Variants in BIN1 observed in about 807,000 individuals in gnomAD.
The protein encoded by BIN1 is myc box-dependent-interacting protein 1.
BIN1 carries 53 observed loss-of-function variants against 82.0 expected under a neutral mutation model. The ratio of observed to expected loss-of-function variants is 0.65; its 90% CI spans 0.52 to 0.81. The LOEUF (loss-of-function observed/expected upper bound fraction) is 0.81. BIN1 is among the 40% of genes least tolerant of loss of function. BIN1 has a pLI of 0.00. For missense variants in BIN1, 642 were observed against 784.4 expected, an observed-to-expected ratio of 0.82 and a Z score of 2.17; for synonymous variants, 302 against 328.0, an observed-to-expected ratio of 0.92 and a Z score of 0.86.
rs1471683629 is a variant in BIN1 at position 127,096,083 on chromosome 2, T to C, written c.84+10777A>G. On this transcript the variant is annotated intron_variant, in intron 1 of 18. Coordinates refer to ENST00000316724, the MANE Select transcript of BIN1 (RefSeq NM_139343.3). ...AGCAAGTGAGTGAATGAATAAATGA[T>C]GCCAGACCCTCACCTCCACCCCCAG... is the stretch of plus-strand genomic sequence containing the variant. Among the ~76,000 whole-genome samples, 4 of 152,262 alleles carry C rather than the reference T, an allele frequency of 2.6e-5. No homozygotes were observed. The South Asian group carries it at 8.3e-4, about 32-fold the overall frequency.
intron 1 of BIN1, chr2:127,081,735 C>T (rs1456926518): frequency 4.9e-6 from 6 of 1,214,272 alleles, no homozygotes; most frequent in Non-Finnish European, 6.4e-6. Flanking sequence ...ACCCCACCCC[C>T]ACACACACAT....
intron 12 of BIN1, among the ~76,000 whole-genome samples, chr2:127,056,786 G>A (rs1447846692): frequency 6.6e-6 from 1 of 152,262 alleles, no homozygotes; most frequent in African/African-American, 2.4e-5. Flanking sequence ...TGCGCTTCCA[G>A]CACAGGTACT....
intron 1 of BIN1, 133 bp downstream of exon 1, chr2:127,106,727 A>C (rs1305155603): frequency 1.8e-6 from 2 of 1,134,310 alleles, no homozygotes; most frequent in African/African-American, 3.2e-5. Flanking sequence ...GCCCCTCGAA[A>C]GCGCTCCTCT....
At chr2:127,050,603 G>A in intron 17 of BIN1, 81 bp from the exon 18 acceptor site, 2 of 1,508,718 alleles carry the variant, frequency 1.3e-6, no homozygotes, top group Non-Finnish European at 1.8e-6. Context: ...CGTGTGGGAG[G>A]TGCAGGTGGC....
chr2:127,048,751 C>A, intron 18 of BIN1, 118 bp from the exon 19 acceptor site: 2 of 893,182 alleles, frequency 2.2e-6, no homozygotes, highest in South Asian at 2.8e-5. Context: ...GGTGCCTCAG[C>A]CTGCCAAGCC....
In BIN1 at chr2:127,062,142, T is replaced by C. The variant is rs1684581844; in HGVS notation, c.830A>G (p.Asn277Ser). ...GGGCTGGGCCTTGACCGTGAAGGTG[T>C]TGCTCCCGTGTTGCTTCTCCAGGCC... ...LVGLEKQHGS[N>S]TFTVKAQPSD... Residue 277 changes from asparagine (N) to serine (S), a missense_variant, in exon 10 of 19, where the codon AAC becomes AGC. By Grantham distance (46) the Asn-to-Ser change is conservative. Transcript: ENST00000316724. 5 of 1,610,952 alleles carry C rather than the reference T, an allele frequency of 3.1e-6. No homozygotes were observed. Among genetic ancestry groups the C allele is most frequent in the African/African-American group, 1.3e-5 (1 of 75,004 alleles).
intron 2 of BIN1, among the ~76,000 whole-genome samples, chr2:127,071,325 G>A (rs1421822662): frequency 6.6e-6 from 1 of 152,204 alleles, no homozygotes; most frequent in Non-Finnish European, 1.5e-5. Context: ...AGAGGGCCCG[G>A]TGCGAGCCTG....
intron 14 of BIN1, chr2:127,052,759 C>T (rs1683129094): frequency 6.9e-6 from 2 of 291,282 alleles, no homozygotes; most frequent in South Asian, 4.0e-5. Context: ...AGCATCTCTG[C>T]CTGTATCAGG....
At chr2:127,074,487 G>A (rs140678134) in intron 2 of BIN1, among the ~76,000 whole-genome samples, 3,305 of 152,294 alleles carry the variant, frequency 0.022, 44 homozygotes, top group Middle Eastern at 0.048. Flanking sequence ...CTGGCAGCCC[G>A]CAGCACTGGC....
chr2:127,072,705 T>G (rs1489002034), intron 2 of BIN1, among the ~76,000 whole-genome samples: 1 of 151,728 alleles, frequency 6.6e-6, no homozygotes, highest in Non-Finnish European at 1.5e-5. Context: ...TTTACAAACA[T>G]CCAAGTCCAA....
intron 2 of BIN1, among the ~76,000 whole-genome samples, chr2:127,071,945 CAG>C (rs1342861481): frequency 1.3e-5 from 2 of 152,216 alleles, no homozygotes; most frequent in African/African-American, 4.8e-5. Context: ...GAACACAAGG[CAG>C]AGAGGGGACT....
chr2:127,062,084 T>C, intron 10 of BIN1, 31 bp downstream of exon 10: 2 of 1,575,954 alleles, frequency 1.3e-6, no homozygotes, highest in South Asian at 2.3e-5. Context: ...GTGCACACAG[T>C]CAGGGGCGCC....
intron 2 of BIN1, among the ~76,000 whole-genome samples, chr2:127,074,525 AC>A (rs1686343990): frequency 1.3e-5 from 2 of 152,118 alleles, no homozygotes; most frequent in African/African-American, 4.8e-5. Context: ...TCTCTGCCCA[AC>A]CCCTCTGTCC....
intron 18 of BIN1, 75 bp downstream of exon 18, chr2:127,050,346 C>T: frequency 6.5e-7 from 1 of 1,547,236 alleles, no homozygotes; most frequent in Non-Finnish European, 8.9e-7. Flanking sequence ...TGGCCTGTCT[C>T]CGCCACGGCG....
chr2:127,075,257 C>G (rs6754017), intron 2 of BIN1, among the ~76,000 whole-genome samples: 27,180 of 152,210 alleles, frequency 0.18, 2,566 homozygotes, highest in South Asian at 0.25. Flanking sequence ...TTGCATAGAT[C>G]TCTGTCAAAC....
rs1404831971 is a variant in BIN1 at position 127,068,149 on chromosome 2, G to A, written c.612+14C>T. ...GAAGGCGCCAGCACGTGCAAGGTTA[G>A]AAGCCAGTGTCACCTGATTTCGGAG... On this transcript the variant is annotated intron_variant, in intron 7 of 18. Transcript: ENST00000316724. This position sits in a 1 kb window ranked among gnomAD's most constrained non-coding sequence, Gnocchi z 4.9. 4.3e-6 allele frequency: 7 copies of A among 1,611,704 alleles called. No individual in the cohort carries two copies. The African/African-American group carries it at 9.4e-5, about 22-fold the overall frequency.
In BIN1 at chr2:127,059,212, G is replaced by A. The variant is rs542781840; in HGVS notation, c.858-57C>T. ...GTTGGGGGGCCAAGGCACAGGAGACGGAGGGGCAAATGTATTGACGTCTGT... is the reference window on the plus strand; with the variant it reads ...GTTGGGGGGCCAAGGCACAGGAGACAGAGGGGCAAATGTATTGACGTCTGT... On this transcript the variant is annotated intron_variant, in intron 10 of 18. Coordinates refer to ENST00000316724, the MANE Select transcript of BIN1 (RefSeq NM_139343.3). This position sits in a 1 kb window ranked among gnomAD's most constrained non-coding sequence, Gnocchi z 6.7. 41 of 1,539,920 alleles carry A rather than the reference G, an allele frequency of 2.7e-5. 1 individual carries two copies. Among genetic ancestry groups the A allele is most frequent in the Middle Eastern group, 1.7e-4 (1 of 5,982 alleles).
rs999908016 is a variant in BIN1 at position 127,059,627 on chromosome 2, C to G, written c.858-472G>C. Among the ~76,000 whole-genome samples the G allele has an allele frequency of 6.6e-6, 1 of 152,174 alleles. No individual in the cohort carries two copies. The highest frequency in any genetic ancestry group is 1.5e-5 in the Non-Finnish European group (1 of 68,020). On this transcript the variant is annotated intron_variant, in intron 10 of 18. Transcript: ENST00000316724. The surrounding 1 kb of genome is among the most constrained non-coding windows in gnomAD (Gnocchi z 6.7). The stretch of plus-strand genomic sequence containing the variant: ...GTCTGCTCCCCAGCCTGCTGCCCTC[C>G]CTGCCTGTCCATCACAGCACCCTGG...
chr2:127,050,231 A>G (rs899369350), intron 18 of BIN1, among the ~76,000 whole-genome samples, 190 bp downstream of exon 18: 2 of 152,190 alleles, frequency 1.3e-5, no homozygotes, highest in African/African-American at 4.8e-5. Flanking sequence ...AGAGGGGCCA[A>G]GGGAAGGGAG....
Sources: gnomAD v4.1 joint callset for allele counts (sites outside exome capture counted in the v4.1 genomes callset) on GRCh38, gnomAD v4.1.1 for gene constraint, Gnocchi (gnomAD v3.1) non-coding constraint, MANE v1.5 for transcripts, NCBI Gene and HGNC (gene_info 2026-07-23, HGNC 2026-07-21) for gene names.